The following ZPBP variants were observed in gnomAD, a reference collection of about 807,000 sequenced individuals.
ZPBP encodes the protein zona pellucida-binding protein 1.
A neutral mutation model predicts 44.8 loss-of-function variants in ZPBP; 26 were observed. The observed-to-expected ratio is 0.58, with a 90% CI of 0.43 to 0.81. The LOEUF is 0.81. ZPBP is among the 30% of genes least tolerant of loss of function. The pLI, the probability that ZPBP is intolerant of heterozygous loss-of-function variation, is 0.00. For missense variants in ZPBP, 409 were observed against 434.0 expected (o/e 0.94, Z 0.51); for synonymous variants, 174 against 153.2 (o/e 1.14, Z -1.00).
intron 6 of ZPBP, among the ~76,000 whole-genome samples, chr7:49,984,150 C>T (rs1344899909): frequency 2.0e-5 from 3 of 152,154 alleles, no homozygotes; most frequent in Admixed American, 6.5e-5. Flanking sequence ...GTTAGTTCTA[C>T]TCATTCTGCC....
At chr7:49,970,081 G>A (rs972721999) in intron 7 of ZPBP, among the ~76,000 whole-genome samples, 11 of 152,128 alleles carry the variant, frequency 7.2e-5, no homozygotes, top group South Asian at 4.1e-4. Flanking sequence ...GACTGATCTC[G>A]AACTCCCGAC....
chr7:50,028,235 T>G (rs1355859595), intron 5 of ZPBP, among the ~76,000 whole-genome samples: 2 of 151,510 alleles, frequency 1.3e-5, no homozygotes, highest in South Asian at 2.1e-4. Context: ...GTTGAACATA[T>G]AACAATCAAA....
At chr7:49,922,964 A>G (rs1794085264) in intron 1 of ZPBP, among the ~76,000 whole-genome samples, 1 of 152,222 alleles carries the variant, frequency 6.6e-6, no homozygotes, top group South Asian at 2.1e-4. Context: ...AAGAACCAAA[A>G]AAAGATTTTT....
At chr7:49,976,995 G>A (rs992439739) in intron 7 of ZPBP, among the ~76,000 whole-genome samples, 6 of 151,834 alleles carry the variant, frequency 4.0e-5, no homozygotes, top group Non-Finnish European at 7.4e-5. Flanking sequence ...CCAGCTGCTC[G>A]GGCGCCTGAG....
intron 3 of ZPBP, among the ~76,000 whole-genome samples, chr7:50,080,554 C>G (rs1508413): frequency 6.6e-6 from 1 of 151,548 alleles, no homozygotes; most frequent in Non-Finnish European, 1.5e-5. Flanking sequence ...CCAAATCAAA[C>G]GAGCAAAAAA....
chr7:49,902,887 A>G (rs1792847356), intron 1 of ZPBP, among the ~76,000 whole-genome samples: 1 of 152,186 alleles, frequency 6.6e-6, no homozygotes. Context: ...AAGGAACAGT[A>G]CGTGGAACAT....
intron 2 of ZPBP, among the ~76,000 whole-genome samples, chr7:49,893,113 T>C (rs902422245): frequency 6.6e-6 from 1 of 152,226 alleles, no homozygotes; most frequent in South Asian, 2.1e-4. Flanking sequence ...TTCCTGAGAA[T>C]GTTGAGCATG....
intron 6 of ZPBP, among the ~76,000 whole-genome samples, chr7:50,000,817 C>T (rs1459121349): frequency 6.6e-6 from 1 of 152,162 alleles, no homozygotes; most frequent in African/African-American, 2.4e-5. Context: ...CCACCACATT[C>T]ATATGTTGAA....
intron 5 of ZPBP, among the ~76,000 whole-genome samples, chr7:50,030,606 C>T (rs1041658255): frequency 2.6e-5 from 4 of 151,984 alleles, no homozygotes; most frequent in Non-Finnish European, 4.4e-5. Context: ...AAAACACATG[C>T]GTGGGTATTC....
intron 2 of ZPBP, among the ~76,000 whole-genome samples, chr7:49,882,593 A>G (rs1157735595): frequency 6.6e-6 from 1 of 152,006 alleles, no homozygotes; most frequent in East Asian, 1.9e-4. Context: ...AAGGAGAGAG[A>G]CAGAGATAGT....
intron 2 of ZPBP, among the ~76,000 whole-genome samples, chr7:49,882,572 CAA>C (rs752445434): frequency 1.3e-5 from 2 of 151,614 alleles, no homozygotes; most frequent in Non-Finnish European, 2.9e-5. Flanking sequence ...CAGGGAGTAA[CAA>C]AGAGAGATAA....
intron 5 of ZPBP, among the ~76,000 whole-genome samples, chr7:50,028,414 T>C (rs1207253909): frequency 1.3e-5 from 2 of 151,952 alleles, no homozygotes; most frequent in Non-Finnish European, 2.9e-5. Flanking sequence ...CCTCCTAAGA[T>C]CAAGAACAAG....
At chr7:50,027,116 T>A (rs1386641177) in intron 5 of ZPBP, among the ~76,000 whole-genome samples, 1 of 142,666 alleles carries the variant, frequency 7.0e-6, no homozygotes, top group African/African-American at 2.6e-5. Context: ...ACAAGCTGAA[T>A]ATGTAAGACC....
intron 4 of ZPBP, among the ~76,000 whole-genome samples, chr7:50,037,637 T>C (rs1799882365): frequency 6.6e-6 from 1 of 152,140 alleles, no homozygotes; most frequent in South Asian, 2.1e-4. Context: ...TCCGCCCCCA[T>C]GATCTAATCA....
At chr7:49,886,174 AC>A (rs1455804733) in intron 2 of ZPBP, among the ~76,000 whole-genome samples, 6 of 152,162 alleles carry the variant, frequency 3.9e-5, no homozygotes, top group African/African-American at 7.2e-5. Context: ...AATTTGGGGC[AC>A]CACAGTGTGG....
chr7:50,011,373 TAA>T (rs1277995498), intron 6 of ZPBP, among the ~76,000 whole-genome samples: 11 of 152,160 alleles, frequency 7.2e-5, no homozygotes, highest in Non-Finnish European at 1.6e-4. Flanking sequence ...GGGACTTAAT[TAA>T]ACTAAAAAGC....
intron 1 of ZPBP, 98 bp downstream of exon 1, chr7:50,092,970 T>C: frequency 6.7e-7 from 1 of 1,499,014 alleles, no homozygotes; most frequent in Non-Finnish European, 8.9e-7. Context: ...GGTGTCTCTA[T>C]ATAAAACGGA....
chr7:50,052,899 G>C (rs1252126933), intron 4 of ZPBP, among the ~76,000 whole-genome samples: 1 of 152,168 alleles, frequency 6.6e-6, no homozygotes, highest in Admixed American at 6.5e-5. Flanking sequence ...AATACAGAAT[G>C]AGAGAAGATT....
At chr7:49,989,405 A>G (rs1797464277) in intron 6 of ZPBP, among the ~76,000 whole-genome samples, 1 of 152,180 alleles carries the variant, frequency 6.6e-6, no homozygotes, top group Non-Finnish European at 1.5e-5. Context: ...TGGCTTTAGA[A>G]AGTCCTATCT....
Sources: gnomAD v4.1 joint callset for allele counts (sites outside exome capture counted in the v4.1 genomes callset) on GRCh38, gnomAD v4.1.1 for gene constraint, MANE v1.5 for transcripts, NCBI Gene and HGNC (gene_info 2026-07-23, HGNC 2026-07-21) for gene names.